The following ZNF445 variants were observed in gnomAD, a reference collection of about 807,000 sequenced individuals.
The protein encoded by ZNF445 is zinc finger protein 445.
A neutral mutation model predicts 93.9 loss-of-function variants in ZNF445; 19 were observed. The observed-to-expected ratio is 0.20, with a 90% CI of 0.14 to 0.30. The LOEUF is 0.30. ZNF445 is among the 10% of genes least tolerant of loss of function. The probability of loss-of-function intolerance (pLI) is 1.00; values close to 1 mark genes in which losing one functional copy is unlikely to be tolerated. For missense variants in ZNF445, 1,058 were observed against 1,259.4 expected, an observed-to-expected ratio of 0.84 and a Z score of 2.42; for synonymous variants, 449 against 446.3, an observed-to-expected ratio of 1.01 and a Z score of -0.08.
chr3:44,458,975 A>G (rs556362120), intron 1 of ZNF445, among the ~76,000 whole-genome samples: 1 of 152,342 alleles, frequency 6.6e-6, no homozygotes, highest in African/African-American at 2.4e-5. Context: ...CACGTTTTAC[A>G]TGGTTGTCCA....
intron 3 of ZNF445, among the ~76,000 whole-genome samples, chr3:44,454,174 G>C (rs138915382): frequency 2.6e-5 from 4 of 151,346 alleles, no homozygotes; most frequent in African/African-American, 9.7e-5. Flanking sequence ...AAATTAGCTG[G>C]GAGTGGTGGG....
chr3:44,469,785 AC>A (rs1479026504), intron 1 of ZNF445, among the ~76,000 whole-genome samples: 1 of 149,700 alleles, frequency 6.7e-6, no homozygotes, highest in Non-Finnish European at 1.5e-5. Context: ...AAAAACAAAA[AC>A]AAAACAAAAC....
Position 44,434,238 on chromosome 3 carries a change from C to T in ZNF445, c.*12337G>A, listed in dbSNP as rs1050507261. 3 of 128,946 alleles carry T rather than the reference C, an allele frequency of 2.3e-5. No individual in the cohort carries two copies. Among genetic ancestry groups the T allele is most frequent in the Non-Finnish European group, 4.8e-5 (3 of 61,922 alleles). The allele number at this position is 128,946 out of a possible 1,614,324, so 8.0% of individuals were successfully genotyped here. A position where few individuals can be genotyped will look rare whatever the true frequency, so the allele number is the denominator to read the frequency against. On this transcript the variant is annotated 3_prime_UTR_variant, in exon 8 of 8. Coordinates refer to ENST00000396077, the MANE Select transcript of ZNF445 (RefSeq NM_181489.6). ...GACCAAGCTGGCTAACATGGTGAAA[C>T]CCTGCCTTTACCAAAAAAAAAAAAA...
intron 1 of ZNF445, among the ~76,000 whole-genome samples, chr3:44,466,800 T>G (rs1698202177): frequency 6.6e-6 from 1 of 152,258 alleles, no homozygotes; most frequent in Non-Finnish European, 1.5e-5. Context: ...TACTTTGGAC[T>G]GTATTTGTTT....
At position 44,438,176 on chromosome 3, in the gene ZNF445, T is replaced by C. The variant is rs533736783; in HGVS notation, c.*8399A>G. ...GCACTTCACTTTTTTTTTTTTTTAA[T>C]TGAGACAAAGTTTCACTCTGTCGCC... On this transcript the variant is annotated 3_prime_UTR_variant, in exon 8 of 8. Transcript: ENST00000396077. 1.3e-5 allele frequency: 2 copies of C among 152,106 alleles called. No individual in the cohort carries two copies. Among genetic ancestry groups the C allele is most frequent in the East Asian group, 3.9e-4 (2 of 5,182 alleles). The allele number at this position is 152,106 out of a possible 1,614,324, so 9.4% of individuals were successfully genotyped here.
rs567251653 is a variant in ZNF445, at chr3:44,469,371, A to G, written c.-269+8220T>C. On this transcript the variant is annotated intron_variant, in intron 1 of 7. Transcript: ENST00000396077. ...GTCTACACAGGTGGTGTGTGTATAC[A>G]CGCTTCATATTGCAGTAGAAAGACC... Among the ~76,000 whole-genome samples the G allele has an allele frequency of 4.6e-5, 7 of 152,330 alleles. No homozygotes were observed. In the East Asian group the frequency reaches 1.3e-3, roughly 29 times the overall value.
chr3:44,473,868 T>C (rs1698307273), intron 1 of ZNF445, among the ~76,000 whole-genome samples: 2 of 152,000 alleles, frequency 1.3e-5, no homozygotes, highest in Admixed American at 6.6e-5. Context: ...CACACAATAA[T>C]ATAACTGATT....
rs1451768045 is a variant in ZNF445, at chr3:44,443,367, T to C, written c.*3208A>G. 6.6e-6 allele frequency: 1 copy of C among 152,200 alleles called. No homozygotes were observed. The highest frequency in any genetic ancestry group is 1.5e-5 in the Non-Finnish European group (1 of 68,036). The allele number at this position is 152,200 out of a possible 1,614,324, so 9.4% of individuals were successfully genotyped here. A position where few individuals can be genotyped will look rare whatever the true frequency, so the allele number is the denominator to read the frequency against. On this transcript the variant is annotated 3_prime_UTR_variant, in exon 8 of 8. Coordinates refer to ENST00000396077, the MANE Select transcript of ZNF445 (RefSeq NM_181489.6). ...TAAAATTATTTGAAAACTCAGGTTATTGGACAAATAGGTTCAGTATAATCC... is the reference window on the plus strand; with the variant it reads ...TAAAATTATTTGAAAACTCAGGTTACTGGACAAATAGGTTCAGTATAATCC...
chr3:44,449,539 T>C lies in ZNF445; in HGVS notation c.905A>G (p.Lys302Arg), dbSNP rs1697929317. Residue 302 changes from lysine (K) to arginine (R), a missense_variant, in exon 7 of 8, where the codon AAG (lysine) becomes AGG (arginine). Coordinates refer to ENST00000396077, the MANE Select transcript of ZNF445 (RefSeq NM_181489.6). Reference sequence around the variant, plus strand: ...TGTAGGAGCAGCAACTGGATTCCCCTTAGGCTGAGCTGCCTGCATGTTCAG... The same window carrying C: ...TGTAGGAGCAGCAACTGGATTCCCCCTAGGCTGAGCTGCCTGCATGTTCAG... ...WGLNMQAAQP[K>R]GNPVAAPTGD... 1 of 1,614,166 alleles carries C rather than the reference T, an allele frequency of 6.2e-7. No homozygotes were observed. The highest frequency in any genetic ancestry group is 1.3e-5 in the African/African-American group (1 of 75,050).
At position 44,446,282 on chromosome 3, in the gene ZNF445, G is replaced by C. The variant is rs1291039676; in HGVS notation, c.*293C>G. On this transcript the variant is annotated 3_prime_UTR_variant, in exon 8 of 8. Coordinates refer to ENST00000396077, the MANE Select transcript of ZNF445 (RefSeq NM_181489.6). This position sits in a 1 kb window ranked among gnomAD's most constrained non-coding sequence, Gnocchi z 4.2. ...AAGGGCAGTGGTCTCTCTCTTCAGA[G>C]TTGTGGAAGGAGACCTGAATAGGGG... The C allele has an allele frequency of 2.4e-6, 1 of 412,252 alleles. No homozygotes were observed. Among genetic ancestry groups the C allele is most frequent in the Admixed American group, 4.3e-5 (1 of 23,376 alleles). 25.5% of individuals were successfully genotyped at this position (412,252 alleles called of 1,614,324 possible). A position where few individuals can be genotyped will look rare whatever the true frequency, so the allele number is the denominator to read the frequency against.
At chr3:44,459,201 T>C (rs1011699918) in intron 1 of ZNF445, among the ~76,000 whole-genome samples, 1 of 152,174 alleles carries the variant, frequency 6.6e-6, no homozygotes, top group Admixed American at 6.5e-5. Context: ...TTCATCTAGT[T>C]GTTTATTGTA....
chr3:44,448,109 G>T lies in ZNF445; in HGVS notation c.1562C>A (p.Ala521Asp), dbSNP rs1160975341. Residue 521 changes from alanine to aspartate, a missense_variant, in exon 8 of 8, where the codon GCC becomes GAC. Ala to Asp is a moderately radical substitution (Grantham distance 126, BLOSUM62 -2). Around this residue, in one of 3 missense-constraint regions of ZNF445, gnomAD observed 657 missense variants for 746.4 expected, o/e 0.88. Coordinates refer to ENST00000396077, the MANE Select transcript of ZNF445 (RefSeq NM_181489.6). ...CGCACAGTTGGAACTCCACCGGAAG[G>T]CTTTCCCACACACCCTACATTTAAA... ...KAFKCRVCGK[A>D]FRWSSNCARH... 1 of 1,613,674 alleles carries T rather than the reference G, an allele frequency of 6.2e-7. No homozygotes were observed. The highest frequency in any genetic ancestry group is 8.5e-7 in the Non-Finnish European group (1 of 1,180,034).
chr3:44,436,189 T>C lies in ZNF445; in HGVS notation c.*10386A>G, dbSNP rs576837297. On this transcript the variant is annotated 3_prime_UTR_variant, in exon 8 of 8. Transcript: ENST00000396077. Reference sequence around the variant, plus strand: ...TCACCAGATCTGGAGCTTTCCTACTTACTCGGATCAAGTAAAACTTTAGTA... The same window carrying C: ...TCACCAGATCTGGAGCTTTCCTACTCACTCGGATCAAGTAAAACTTTAGTA... The C allele has an allele frequency of 6.6e-6, 1 of 152,208 alleles. No homozygotes were observed. Among genetic ancestry groups the C allele is most frequent in the Admixed American group, 6.5e-5 (1 of 15,280 alleles). The allele number at this position is 152,208 out of a possible 1,614,324, so 9.4% of individuals were successfully genotyped here. A position where few individuals can be genotyped will look rare whatever the true frequency, so the allele number is the denominator to read the frequency against.
intron 1 of ZNF445, among the ~76,000 whole-genome samples, chr3:44,459,263 T>C (rs1418518244): frequency 6.6e-6 from 1 of 152,244 alleles, no homozygotes; most frequent in African/African-American, 2.4e-5. Context: ...CCCTGAGTTT[T>C]GTGAGCTGCT....
chr3:44,438,864 T>G lies in ZNF445; in HGVS notation c.*7711A>C. 1.3e-4 allele frequency: 1 copy of G among 7,902 alleles called. No homozygotes were observed. 0.5% of individuals were successfully genotyped at this position (7,902 alleles called of 1,614,324 possible). On this transcript the variant is annotated 3_prime_UTR_variant, in exon 8 of 8. Transcript: ENST00000396077. The stretch of plus-strand genomic sequence containing the variant: ...GGGAACATCACACTCTGGGGACTGT[T>G]GTGGGGTGGGGGGAGGGGGGGAGGG...
At chr3:44,451,224 T>C in intron 4 of ZNF445, 90 bp downstream of exon 4, 2 of 1,475,212 alleles carry the variant, frequency 1.4e-6, no homozygotes, top group Non-Finnish European at 1.9e-6. Flanking sequence ...AAGGAGATTC[T>C]CATGAGAGGA....
At chr3:44,454,458 G>C (rs1050809270) in intron 3 of ZNF445, among the ~76,000 whole-genome samples, 2 of 152,182 alleles carry the variant, frequency 1.3e-5, no homozygotes, top group Non-Finnish European at 2.9e-5. Context: ...TTTAGAGATA[G>C]GGTCTTGCTG....
intron 3 of ZNF445, chr3:44,454,845 ATG>A (rs1698005689): frequency 2.1e-6 from 1 of 472,030 alleles, no homozygotes; most frequent in African/African-American, 2.0e-5. Flanking sequence ...CTGGGATTAC[ATG>A]TGTGAGCCAC....
rs1193596615 is a variant in ZNF445, at chr3:44,459,140, A to G, written c.-268-776T>C. ...TAGTGGCACATCCCATCTCCACAGG[A>G]AGAAAAGCTCCTGCACCCAGAACAC... On this transcript the variant is annotated intron_variant, in intron 1 of 7. Transcript: ENST00000396077. Among the ~76,000 whole-genome samples the G allele has an allele frequency of 7.9e-5, 12 of 152,154 alleles. 1 individual carries two copies. The East Asian group carries it at 2.3e-3, about 29-fold the overall frequency.
Sources: gnomAD v4.1 joint callset for allele counts (sites outside exome capture counted in the v4.1 genomes callset) on GRCh38, gnomAD v4.1.1 for gene constraint, gnomAD v4.1.1 regional missense constraint, Gnocchi (gnomAD v3.1) non-coding constraint, MANE v1.5 for transcripts, NCBI Gene and HGNC (gene_info 2026-07-23, HGNC 2026-07-21) for gene names.